POLN: variants seen among roughly 807,000 people sequenced by gnomAD.
POLN encodes the protein DNA polymerase N.
POLN carries 108 observed loss-of-function variants against 113.5 expected under a neutral mutation model. The ratio of observed to expected loss-of-function variants is 0.95; its 90% CI spans 0.81 to 1.12. The LOEUF (loss-of-function observed/expected upper bound fraction) is 1.12. POLN is among the 50% of genes most tolerant of loss of function. POLN has a pLI of 0.00. For synonymous variants in POLN, 386 were observed against 391.5 expected, an observed-to-expected ratio of 0.99 and a Z score of 0.17; for missense variants, 1,097 against 1,077.1, an observed-to-expected ratio of 1.02 and a Z score of -0.26.
rs1401019243 is a variant in POLN, at chr4:2,171,107, C to G, written c.1449G>C (p.Gln483His). 6.2e-7 allele frequency: 1 copy of G among 1,611,982 alleles called. No individual in the cohort carries two copies. Among genetic ancestry groups the G allele is most frequent in the Non-Finnish European group, 8.5e-7 (1 of 1,179,406 alleles). Reference protein sequence around the residue: ...GERFLITSNNQLREILFGKLK... With the variant: ...GERFLITSNNHLREILFGKLK... ...CAAAATTCAGCTTTACCTCTCGAAG[C>G]TGGTTATTGCTCGTTATAAGAAACC... Residue 483 changes from glutamine to histidine, a missense_variant, in exon 12 of 26, where the codon CAG becomes CAC. Coordinates refer to ENST00000511885, the MANE Select transcript of POLN (RefSeq NM_181808.4).
intron 20 of POLN, among the ~76,000 whole-genome samples, chr4:2,091,593 T>C (rs898744754): frequency 1.3e-5 from 2 of 152,178 alleles, no homozygotes; most frequent in Non-Finnish European, 2.9e-5. Context: ...CTTCTTTTCA[T>C]AGAACTTGTC....
In POLN at chr4:2,085,605, C is replaced by T; in HGVS notation, c.2197+8G>A. 6.2e-7 allele frequency: 1 copy of T among 1,613,688 alleles called. No homozygotes were observed. Among genetic ancestry groups the T allele is most frequent in the Non-Finnish European group, 8.5e-7 (1 of 1,179,954 alleles). On this transcript the variant is annotated splice_region_variant and intron_variant, in intron 21 of 25. Transcript: ENST00000511885. ...GGGAGCAGGGAGCTCTGGTTGTGGC[C>T]AACTCACCTGTCTGGTGACACTGGG...
At chr4:2,236,387 T>C (rs778507352) in intron 2 of POLN, 19 of 1,613,646 alleles carry the variant, frequency 1.2e-5, no homozygotes, top group Non-Finnish European at 1.4e-5. Flanking sequence ...TCTCAGCCAC[T>C]TCCTCAAGGT....
intron 16 of POLN, among the ~76,000 whole-genome samples, chr4:2,148,397 G>A (rs761117026): frequency 1.3e-5 from 2 of 152,126 alleles, no homozygotes; most frequent in Non-Finnish European, 2.9e-5. Flanking sequence ...GGCCGGCTAC[G>A]GTGGCTCATG....
chr4:2,238,653 G>C, intron 2 of POLN: 1 of 1,612,346 alleles, frequency 6.2e-7, no homozygotes, highest in Non-Finnish European at 8.5e-7. Context: ...GGATTTATCT[G>C]TTGAGAAACT....
chr4:2,095,138 G>A (rs372615125), intron 20 of POLN, among the ~76,000 whole-genome samples: 5 of 152,022 alleles, frequency 3.3e-5, no homozygotes, highest in East Asian at 1.9e-4. Context: ...GTAGAAGAAG[G>A]GTGAGTGGAA....
chr4:2,174,460 A>C (rs543476239), intron 10 of POLN, among the ~76,000 whole-genome samples: 1 of 152,350 alleles, frequency 6.6e-6, no homozygotes, highest in South Asian at 2.1e-4. Flanking sequence ...GCCAGGCAGC[A>C]CAGAAGGGAT....
intron 16 of POLN, among the ~76,000 whole-genome samples, chr4:2,153,968 C>CA (rs1732357770): frequency 6.6e-6 from 1 of 151,386 alleles, no homozygotes; most frequent in East Asian, 2.0e-4. Context: ...GAGGCCGAGG[C>CA]GGGCGGATCA....
intron 6 of POLN, among the ~76,000 whole-genome samples, chr4:2,197,774 T>C (rs1009620609): frequency 7.2e-5 from 11 of 152,212 alleles, no homozygotes; most frequent in African/African-American, 2.2e-4. Flanking sequence ...AGTGAGCCTG[T>C]ATGAAGCATG....
chr4:2,179,563 T>C (rs1733082623), intron 7 of POLN, 98 bp from the exon 8 acceptor site: 1 of 1,171,506 alleles, frequency 8.5e-7, no homozygotes, highest in Admixed American at 2.3e-5. Context: ...AGTAGTAGTA[T>C]TGTCATCCTC....
Position 2,159,198 on chromosome 4 carries a change from C to T in POLN, c.1568G>A (p.Arg523Gln), listed in dbSNP as rs142911650. ...TATCTTGGGTAATGGATGAAGGTCT[C>T]GCAGAGCATTTAACTAAACATGAAA... is the stretch of plus-strand genomic sequence containing the variant. ...STSEAVLNAL[R>Q]DLHPLPKIIL... The change falls in exon 14 of 26, where the codon CGA (arginine) becomes CAA (glutamine). Residue 523 changes from arginine (R) to glutamine (Q), a missense_variant. By Grantham distance (43) the Arg-to-Gln change is conservative. Coordinates refer to ENST00000511885, the MANE Select transcript of POLN (RefSeq NM_181808.4). The T allele has an allele frequency of 9.7e-5, 156 of 1,607,502 alleles. No individual in the cohort carries two copies. The highest frequency in any genetic ancestry group is 3.3e-4 in the Middle Eastern group (2 of 6,072).
At chr4:2,108,054 C>T (rs1452519560) in intron 19 of POLN, among the ~76,000 whole-genome samples, 1 of 152,220 alleles carries the variant, frequency 6.6e-6, no homozygotes, top group Non-Finnish European at 1.5e-5. Context: ...TTGGATTTCT[C>T]CTGACTCCTA....
intron 19 of POLN, among the ~76,000 whole-genome samples, chr4:2,104,202 CA>C (rs1730993169): frequency 6.6e-6 from 1 of 152,184 alleles, no homozygotes; most frequent in African/African-American, 2.4e-5. Flanking sequence ...CCTCACATAT[CA>C]ACATTAACCT....
chr4:2,073,809 G>A (rs574611283), intron 24 of POLN, among the ~76,000 whole-genome samples: 6 of 152,362 alleles, frequency 3.9e-5, no homozygotes, highest in East Asian at 3.9e-4. Flanking sequence ...CCAGCAGAGC[G>A]AGGGTCTCCC....
intron 22 of POLN, 185 bp downstream of exon 22, chr4:2,081,448 C>T (rs773593820): frequency 9.2e-6 from 6 of 650,824 alleles, no homozygotes; most frequent in African/African-American, 3.6e-5. Context: ...CAAAGATGAC[C>T]GTGTCCCCTC....
chr4:2,083,484 G>C (rs1255859229), intron 21 of POLN, among the ~76,000 whole-genome samples: 1 of 152,174 alleles, frequency 6.6e-6, no homozygotes, highest in East Asian at 1.9e-4. Context: ...CTTCATGGTG[G>C]GTGCAAACTC....
chr4:2,225,240 C>G (rs967462048), intron 3 of POLN, among the ~76,000 whole-genome samples: 1 of 151,780 alleles, frequency 6.6e-6, no homozygotes, highest in Non-Finnish European at 1.5e-5. Context: ...AACCTTCTCA[C>G]AATTTTATAT....
In POLN at chr4:2,223,007, T is replaced by C. The variant is rs199870457; in HGVS notation, c.133+6092A>G. On this transcript the variant is annotated intron_variant, in intron 3 of 25. Coordinates refer to ENST00000511885, the MANE Select transcript of POLN (RefSeq NM_181808.4). The stretch of plus-strand genomic sequence containing the variant: ...ACCAACTGTAGCAGATCAGGTTCCC[T>C]GAGACTGAGATTTGTCAGCAGAAAG... Among the ~76,000 whole-genome samples the C allele has an allele frequency of 4.6e-5, 7 of 152,302 alleles. No individual in the cohort carries two copies. The East Asian group carries it at 7.7e-4, about 17-fold the overall frequency.
chr4:2,144,861 C>T (rs1260246186), intron 16 of POLN, among the ~76,000 whole-genome samples: 6 of 152,106 alleles, frequency 3.9e-5, no homozygotes, highest in East Asian at 1.9e-4. Flanking sequence ...TCCCTAGCAA[C>T]GGAACGATGA....
Sources: allele counts gnomAD v4.1 joint callset (sites outside exome capture counted in the v4.1 genomes callset), GRCh38; gene constraint gnomAD v4.1.1; transcripts MANE v1.5; gene names NCBI Gene and HGNC (gene_info 2026-07-23, HGNC 2026-07-21).